Variants in PCDH9 observed in about 807,000 individuals in gnomAD.
The protein encoded by PCDH9 is protocadherin-9.
In PCDH9, 24 loss-of-function variants were observed where a neutral mutation model predicts 70.6. That is an observed-to-expected ratio of 0.34 (90% CI 0.25 to 0.48). The LOEUF (loss-of-function observed/expected upper bound fraction) is 0.48, where lower values mean the gene tolerates loss of function less well. PCDH9 is among the 20% of genes least tolerant of loss of function. The probability of loss-of-function intolerance (pLI) is 0.99; values close to 1 mark genes in which losing one functional copy is unlikely to be tolerated. For synonymous variants in PCDH9, 562 were observed against 558.5 expected (o/e 1.01, Z -0.09); for missense variants, 1,281 against 1,503.6 (o/e 0.85, Z 2.45).
chr13:67,095,032 A>T (rs554796733), intron 2 of PCDH9, among the ~76,000 whole-genome samples: 3 of 152,272 alleles, frequency 2.0e-5, no homozygotes, highest in African/African-American at 7.2e-5. Flanking sequence ...TCCTTATGAC[A>T]TATATATTTT....
Position 67,021,960 on chromosome 13 carries a change from A to AT in PCDH9, c.3037-118356dup, listed in dbSNP as rs896989312. 1.8e-4 allele frequency among the ~76,000 whole-genome samples: 28 copies of AT among 152,142 alleles called. No individual in the cohort carries two copies. In the East Asian group the frequency reaches 4.4e-3, roughly 24 times the overall value. On this transcript the variant is annotated intron_variant, in intron 2 of 4. Coordinates refer to ENST00000377865, the MANE Select transcript of PCDH9 (RefSeq NM_203487.3). ...AGTATGTATATAACATACCACTTGG[A>AT]TTTTTAAAATATTCACCAAGTGGAA...
intron 3 of PCDH9, among the ~76,000 whole-genome samples, chr13:66,746,624 T>C (rs550658180): frequency 5.3e-5 from 8 of 152,292 alleles, no homozygotes; most frequent in Middle Eastern, 3.4e-3. Context: ...AAAATAAGTA[T>C]ATACAATTTG....
At chr13:66,998,079 A>G in intron 2 of PCDH9, among the ~76,000 whole-genome samples, 1 of 152,168 alleles carries the variant, frequency 6.6e-6, no homozygotes, top group East Asian at 1.9e-4. Context: ...GTGATATGAG[A>G]AAATTTTATA....
intron 2 of PCDH9, among the ~76,000 whole-genome samples, chr13:66,944,343 A>G (rs918492795): frequency 4.6e-5 from 7 of 152,160 alleles, no homozygotes; most frequent in Non-Finnish European, 7.3e-5. Flanking sequence ...TAGTTTCTAT[A>G]ATATGCAATT....
intron 4 of PCDH9, among the ~76,000 whole-genome samples, chr13:66,569,691 C>T (rs78702863): frequency 0.071 from 10,834 of 152,072 alleles, 509 homozygotes; most frequent in Middle Eastern, 0.17. Flanking sequence ...GAAGAATATT[C>T]AGAGCATTTA....
intron 3 of PCDH9, among the ~76,000 whole-genome samples, chr13:66,822,215 T>C (rs1488061000): frequency 6.6e-6 from 1 of 152,002 alleles, no homozygotes; most frequent in East Asian, 1.9e-4. Context: ...TCATATAAGA[T>C]TTAATTGTTT....
chr13:66,751,718 G>A (rs2079462311), intron 3 of PCDH9, among the ~76,000 whole-genome samples: 1 of 152,186 alleles, frequency 6.6e-6, no homozygotes, highest in Admixed American at 6.5e-5. Context: ...CCTTTCAAAT[G>A]TGGTGAGTAT....
chr13:66,542,382 A>G lies in PCDH9; in HGVS notation c.3340+88828T>C, dbSNP rs532389660. Among the ~76,000 whole-genome samples, 5 of 152,214 alleles carry G rather than the reference A, an allele frequency of 3.3e-5. No homozygotes were observed. In the South Asian group the frequency reaches 6.2e-4, roughly 19 times the overall value. ...TTATGAAGGTGTTTTATAGATGTTC[A>G]TATCTATAATTCGTTGAATTTATGT... On this transcript the variant is annotated intron_variant, in intron 4 of 4. Coordinates refer to ENST00000377865, the MANE Select transcript of PCDH9 (RefSeq NM_203487.3).
At chr13:66,758,801 C>T (rs1475853465) in intron 3 of PCDH9, among the ~76,000 whole-genome samples, 4 of 152,020 alleles carry the variant, frequency 2.6e-5, no homozygotes, top group Admixed American at 6.6e-5. Context: ...GTCCCCCTTA[C>T]TCCTTACTGA....
intron 3 of PCDH9, among the ~76,000 whole-genome samples, chr13:66,752,536 A>G (rs1246045399): frequency 1.3e-5 from 2 of 152,200 alleles, no homozygotes; most frequent in Non-Finnish European, 2.9e-5. Flanking sequence ...AGCTGAAGCT[A>G]TCTGCCCACC....
chr13:66,418,154 T>A (rs1283876135), intron 4 of PCDH9, among the ~76,000 whole-genome samples: 3 of 152,214 alleles, frequency 2.0e-5, no homozygotes, highest in Admixed American at 6.5e-5. Flanking sequence ...CACATTTAAA[T>A]TTTTAATCCA....
At chr13:66,597,432 A>G (rs977860545) in intron 4 of PCDH9, among the ~76,000 whole-genome samples, 1 of 151,754 alleles carries the variant, frequency 6.6e-6, no homozygotes, top group African/African-American at 2.4e-5. Context: ...ACTCACGTAT[A>G]TACAGTCAAA....
At chr13:66,419,697 G>C (rs1053912232) in intron 4 of PCDH9, among the ~76,000 whole-genome samples, 1 of 151,804 alleles carries the variant, frequency 6.6e-6, no homozygotes, top group Non-Finnish European at 1.5e-5. Flanking sequence ...CATCACCAGG[G>C]CCCTGGGTTT....
At chr13:66,462,479 A>G (rs1343796347) in intron 4 of PCDH9, among the ~76,000 whole-genome samples, 2 of 151,848 alleles carry the variant, frequency 1.3e-5, no homozygotes, top group Non-Finnish European at 2.9e-5. Context: ...TCAGAGTTCA[A>G]ATTATCTATG....
At chr13:66,871,153 C>T (rs902347839) in intron 3 of PCDH9, among the ~76,000 whole-genome samples, 6 of 151,414 alleles carry the variant, frequency 4.0e-5, no homozygotes. Flanking sequence ...AAACCAAGCA[C>T]CGCATATTCT....
At chr13:66,539,074 T>C (rs999629699) in intron 4 of PCDH9, among the ~76,000 whole-genome samples, 1 of 152,066 alleles carries the variant, frequency 6.6e-6, no homozygotes, top group Non-Finnish European at 1.5e-5. Context: ...CAACAAAATA[T>C]ATGTACATAT....
intron 2 of PCDH9, among the ~76,000 whole-genome samples, chr13:67,160,576 A>AT (rs34756420): frequency 8.0e-5 from 12 of 149,340 alleles, no homozygotes; most frequent in South Asian, 4.2e-4. Flanking sequence ...CTCAAAGGCT[A>AT]TTTTTTTTTT....
At chr13:67,006,054 G>A (rs2084346070) in intron 2 of PCDH9, among the ~76,000 whole-genome samples, 3 of 152,216 alleles carry the variant, frequency 2.0e-5, no homozygotes, top group African/African-American at 2.4e-5. Flanking sequence ...GTGAAACCCC[G>A]TCTCCATTAA....
chr13:66,893,628 T>C (rs2082129795), intron 3 of PCDH9, among the ~76,000 whole-genome samples: 1 of 152,246 alleles, frequency 6.6e-6, no homozygotes, highest in African/African-American at 2.4e-5. Context: ...ACTTTGGACC[T>C]TGACTTACAA....
Sources: allele counts gnomAD v4.1 joint callset (sites outside exome capture counted in the v4.1 genomes callset), GRCh38; gene constraint gnomAD v4.1.1; transcripts MANE v1.5; gene names NCBI Gene and HGNC (gene_info 2026-07-23, HGNC 2026-07-21).